The following KLK11 variants were observed in gnomAD, a reference collection of about 807,000 sequenced individuals.
The protein encoded by KLK11 is kallikrein related peptidase 11, also known as kallikrein-11.
Under a neutral mutation model 23.4 loss-of-function variants are expected in KLK11, and 10 were observed. That is an observed-to-expected ratio of 0.43 (90% CI 0.26 to 0.73). The LOEUF (loss-of-function observed/expected upper bound fraction) is 0.73. Among genes scored for constraint, KLK11 ranks in the 30% least tolerant of loss-of-function variants. The pLI, the probability that KLK11 is intolerant of heterozygous loss-of-function variation, is 0.22. For synonymous variants in KLK11, 131 were observed against 131.7 expected (o/e 0.99, Z 0.03); for missense variants, 285 against 327.8 (o/e 0.87, Z 1.01).
rs994585477 is a variant in KLK11 at position 51,023,242 on chromosome 19, G to A, written c.464-14C>T. The A allele has an allele frequency of 8.1e-6, 13 of 1,610,050 alleles. No individual in the cohort carries two copies. The highest frequency in any genetic ancestry group is 4.5e-5 in the East Asian group (2 of 44,812). On this transcript the variant is annotated splice_polypyrimidine_tract_variant and intron_variant, in intron 4 of 5. Transcript: ENST00000453757. ...GAGGCAGGCGTACTGTGGAAACAGCGTGAGGGGCTGTGGGAATGAGCCCCC... is the reference window on the plus strand; with the variant it reads ...GAGGCAGGCGTACTGTGGAAACAGCATGAGGGGCTGTGGGAATGAGCCCCC...
upstream of KLK11, chr19:51,027,232 G>T (rs2091500095): frequency 1.5e-5 from 8 of 546,204 alleles, no homozygotes; most frequent in Middle Eastern, 9.8e-4. Flanking sequence ...GAGAGGGGGG[G>T]TGTGCTGGGA....
rs1180543072 is a variant in KLK11 at position 51,022,405 on chromosome 19, T to A, written c.*140A>T. ...TTCGAACCCCAGGTTGATTATTAAGTGACAGCATCTCCTGTAGTCCAGGAG... is the reference window on the plus strand; with the variant it reads ...TTCGAACCCCAGGTTGATTATTAAGAGACAGCATCTCCTGTAGTCCAGGAG... On this transcript the variant is annotated 3_prime_UTR_variant, in exon 6 of 6. Transcript: ENST00000453757. 1.1e-5 allele frequency: 10 copies of A among 932,100 alleles called. No individual in the cohort carries two copies. The Admixed American group carries it at 2.1e-4, about 19-fold the overall frequency. The allele number at this position is 932,100 out of a possible 1,614,324, so 57.7% of individuals were successfully genotyped here. A position where few individuals can be genotyped will look rare whatever the true frequency, so the allele number is the denominator to read the frequency against.
chr19:51,022,249 A>T lies in KLK11; in HGVS notation c.*296T>A. 1 of 429,388 alleles carries T rather than the reference A, an allele frequency of 2.3e-6. No homozygotes were observed. Among genetic ancestry groups the T allele is most frequent in the Middle Eastern group, 7.2e-4 (1 of 1,380 alleles). The allele number at this position is 429,388 out of a possible 1,614,324, so 26.6% of individuals were successfully genotyped here. The stretch of plus-strand genomic sequence containing the variant: ...CAGTAGATTCACTCATTTAGCAAAT[A>T]TTTATTGAAACCTTGATATATGGCC... On this transcript the variant is annotated 3_prime_UTR_variant, in exon 6 of 6. Transcript: ENST00000453757.
At chr19:51,027,529 G>C (rs758646547), upstream of KLK11, 41 of 1,613,790 alleles carry the variant, frequency 2.5e-5, no homozygotes, top group Admixed American at 6.8e-4. Flanking sequence ...TGCGGAACCC[G>C]AGCGCAGATT....
In KLK11 at chr19:51,024,844, A is replaced by G; in HGVS notation, c.41-50T>C. On this transcript the variant is annotated intron_variant, in intron 2 of 5. Coordinates refer to ENST00000453757, the MANE Select transcript of KLK11 (RefSeq NM_001136032.3). This position sits in a 1 kb window ranked among gnomAD's most constrained non-coding sequence, Gnocchi z 6.2. ...GGGGCTCAGGAAGGAGAGGTGGTAG[A>G]CCAGGAGGACTCCCAGAAATGGGGG... 6.8e-7 allele frequency: 1 copy of G among 1,477,100 alleles called. No individual in the cohort carries two copies. Among genetic ancestry groups the G allele is most frequent in the Non-Finnish European group, 9.0e-7 (1 of 1,112,764 alleles). The allele number at this position is 1,477,100 out of a possible 1,614,324, so 91.5% of individuals were successfully genotyped here.
In KLK11 at chr19:51,023,630, C is replaced by T. The variant is rs372135169; in HGVS notation, c.464-402G>A. The T allele has an allele frequency of 1.7e-4, 36 of 215,976 alleles. No homozygotes were observed. In the East Asian group the frequency reaches 2.5e-3, roughly 15 times the overall value. 13.4% of individuals were successfully genotyped at this position (215,976 alleles called of 1,614,324 possible). On this transcript the variant is annotated intron_variant, in intron 4 of 5. Transcript: ENST00000453757. ...AAAGTCCTGACCTCAGGTGATCTTC[C>T]CACCTCGGCCTCCCAAAGTGCTGGG...
In KLK11 at chr19:51,026,541, C is replaced by T. The variant is rs762066979; in HGVS notation, c.-39G>A. 9.1e-6 allele frequency: 9 copies of T among 986,060 alleles called. No homozygotes were observed. The highest frequency in any genetic ancestry group is 1.1e-5 in the Non-Finnish European group (9 of 829,972). The allele number at this position is 986,060 out of a possible 1,614,324, so 61.1% of individuals were successfully genotyped here. ...TTCCCTTTCCTCCTGGACTCACAGG[C>T]TCTGGGGCTGGGGCTCTGGGGGCCC... On this transcript the variant is annotated 5_prime_UTR_variant, in exon 1 of 6. Coordinates refer to ENST00000453757, the MANE Select transcript of KLK11 (RefSeq NM_001136032.3).
intron 1 of KLK11, among the ~76,000 whole-genome samples, 153 bp downstream of exon 1, chr19:51,026,385 G>C (rs1207322287): frequency 6.6e-6 from 1 of 151,910 alleles, no homozygotes; most frequent in Non-Finnish European, 1.5e-5. Context: ...ACAGCCATCG[G>C]AGGTGAGAGG....
rs1313839017 is a variant in KLK11 at position 51,024,415 on chromosome 19, A to G, written c.198-105T>C. ...ATGAAGAAACATCGCTCTGCTTCCA[A>G]CCTCTTCCACGTCTCCCACCGAAGC... On this transcript the variant is annotated intron_variant, in intron 3 of 5. Transcript: ENST00000453757. This position sits in a 1 kb window ranked among gnomAD's most constrained non-coding sequence, Gnocchi z 6.2. The G allele has an allele frequency of 4.0e-6, 6 of 1,512,716 alleles. No individual in the cohort carries two copies. The highest frequency in any genetic ancestry group is 5.3e-6 in the Non-Finnish European group (6 of 1,124,378). The allele number at this position is 1,512,716 out of a possible 1,614,324, so 93.7% of individuals were successfully genotyped here.
At chr19:51,026,622 G>A (rs370419913), upstream of KLK11, 102 of 986,818 alleles carry the variant, frequency 1.0e-4, no homozygotes, top group African/African-American at 5.2e-4. Flanking sequence ...GGGTTGGAGC[G>A]CCAGGTGCCA....
At chr19:51,026,964 T>C, upstream of KLK11, 1 of 157,480 alleles carries the variant, frequency 6.4e-6, no homozygotes, top group Non-Finnish European at 1.4e-5. Flanking sequence ...TGTCTGCCTT[T>C]CTCTGTCCTC....
chr19:51,024,825 C>T lies in KLK11; in HGVS notation c.41-31G>A, dbSNP rs772462132. ...GGGGGTGAGAGCAAAAGAAGGGGCTCAGGAAGGAGAGGTGGTAGACCAGGA... is the reference window on the plus strand; with the variant it reads ...GGGGGTGAGAGCAAAAGAAGGGGCTTAGGAAGGAGAGGTGGTAGACCAGGA... On this transcript the variant is annotated intron_variant, in intron 2 of 5. Transcript: ENST00000453757. This position sits in a 1 kb window ranked among gnomAD's most constrained non-coding sequence, Gnocchi z 6.2. 3.9e-6 allele frequency: 6 copies of T among 1,525,722 alleles called. No individual in the cohort carries two copies. The African/African-American group carries it at 8.6e-5, about 22-fold the overall frequency. The allele number at this position is 1,525,722 out of a possible 1,614,324, so 94.5% of individuals were successfully genotyped here.
Position 51,024,349 on chromosome 19 carries a change from G to T in KLK11, c.198-39C>A. 1.9e-6 allele frequency: 3 copies of T among 1,600,474 alleles called. No homozygotes were observed. In the African/African-American group the frequency reaches 4.0e-5, roughly 21 times the overall value. ...GACAGTAGTTGGAGGAGGAAAGGTC[G>T]GGGGAGACATGGGTGGGAGAGGTGA... On this transcript the variant is annotated intron_variant, in intron 3 of 5. Transcript: ENST00000453757. This position sits in a 1 kb window ranked among gnomAD's most constrained non-coding sequence, Gnocchi z 6.2.
At chr19:51,022,823 A>G (rs1342127056) in intron 5 of KLK11, 126 bp from the exon 6 acceptor site, 8 of 1,105,090 alleles carry the variant, frequency 7.2e-6, no homozygotes, top group Admixed American at 3.9e-5. Flanking sequence ...GAAAGGTGAT[A>G]GGTTTAGCGA....
chr19:51,022,244 C>A lies in KLK11; in HGVS notation c.*301G>T, dbSNP rs116538808. ...GCACTCAGTAGATTCACTCATTTAG[C>A]AAATATTTATTGAAACCTTGATATA... On this transcript the variant is annotated 3_prime_UTR_variant, in exon 6 of 6. Coordinates refer to ENST00000453757, the MANE Select transcript of KLK11 (RefSeq NM_001136032.3). 181 of 418,806 alleles carry A rather than the reference C, an allele frequency of 4.3e-4. 2 individuals carry two copies. Among genetic ancestry groups the A allele is most frequent in the African/African-American group, 3.3e-3 (165 of 49,288 alleles). The allele number at this position is 418,806 out of a possible 1,614,324, so 25.9% of individuals were successfully genotyped here.
intron 4 of KLK11, 104 bp from the exon 5 acceptor site, chr19:51,023,332 G>T: frequency 7.1e-7 from 1 of 1,403,172 alleles, no homozygotes; most frequent in South Asian, 1.3e-5. Context: ...GTCCTTAGAC[G>T]CAGCCAACTC....
At position 51,023,182 on chromosome 19, in the gene KLK11, C is replaced by A. The variant is rs149689317; in HGVS notation, c.510G>T (p.Glu170Asp). The A allele has an allele frequency of 4.6e-5, 74 of 1,613,624 alleles. No individual in the cohort carries two copies. Among genetic ancestry groups the A allele is most frequent in the Non-Finnish European group, 6.0e-5 (71 of 1,179,936 alleles). The part of the protein sequence containing the change: ...TLRCANITII[E>D]HQKCENAYPG... ...GGTAGGCGTTCTCACACTTCTGGTGCTCAATGATGGTGATGTTGGCGCATC... is the reference window on the plus strand; with the variant it reads ...GGTAGGCGTTCTCACACTTCTGGTGATCAATGATGGTGATGTTGGCGCATC... The change falls in exon 5 of 6, where the codon GAG becomes GAT. Residue 170 changes from glutamate to aspartate, a missense_variant. Physicochemically the swap from Glu to Asp is conservative, Grantham distance 45. Transcript: ENST00000453757.
chr19:51,024,436 G>T lies in KLK11; in HGVS notation c.198-126C>A. 1 of 1,450,218 alleles carries T rather than the reference G, an allele frequency of 6.9e-7. No individual in the cohort carries two copies. Among genetic ancestry groups the T allele is most frequent in the Admixed American group, 2.1e-5 (1 of 47,774 alleles). 89.8% of individuals were successfully genotyped at this position (1,450,218 alleles called of 1,614,324 possible). ...TCCAACCTCTTCCACGTCTCCCACCGAAGCCCCCTTCCCAGCCATAGCCCC... is the reference window on the plus strand; with the variant it reads ...TCCAACCTCTTCCACGTCTCCCACCTAAGCCCCCTTCCCAGCCATAGCCCC... On this transcript the variant is annotated intron_variant, in intron 3 of 5. Transcript: ENST00000453757. The surrounding 1 kb of genome is among the most constrained non-coding windows in gnomAD (Gnocchi z 6.2).
chr19:51,024,678 C>A lies in KLK11; in HGVS notation c.157G>T (p.Ala53Ser), dbSNP rs138758563. The change falls in exon 3 of 6, where the codon GCC becomes TCC. Residue 53 changes from alanine to serine, a missense_variant. Physicochemically the swap from Ala to Ser is moderately conservative, Grantham distance 99. Transcript: ENST00000453757. This position sits in a 1 kb window ranked among gnomAD's most constrained non-coding sequence, Gnocchi z 6.2. ...TRLLCGATLI[A>S]PRWLLTAAHC... ...GCTGCTGTCAGGAGCCATCTGGGGG[C>A]GATGAGCGTCGCCCCACAGAGTAGC... 470 of 1,597,816 alleles carry A rather than the reference C, an allele frequency of 2.9e-4. No individual in the cohort carries two copies. The African/African-American group carries it at 5.5e-3, about 19-fold the overall frequency.
Sources: gnomAD v4.1 joint callset for allele counts (sites outside exome capture counted in the v4.1 genomes callset) on GRCh38, gnomAD v4.1.1 for gene constraint, Gnocchi (gnomAD v3.1) non-coding constraint, MANE v1.5 for transcripts, NCBI Gene and HGNC (gene_info 2026-07-23, HGNC 2026-07-21) for gene names.